Variants in RAD51B observed in about 807,000 individuals in gnomAD.
RAD51B encodes the protein RAD51 paralog B.
A neutral mutation model predicts 42.2 loss-of-function variants in RAD51B; 38 were observed. The observed-to-expected ratio is 0.90, with a 90% confidence interval of 0.70 to 1.18. The LOEUF is 1.18. Among genes scored for constraint, RAD51B ranks in the 50% most tolerant of loss-of-function variants. The pLI, the probability that RAD51B is intolerant of heterozygous loss-of-function variation, is 0.00. For synonymous variants in RAD51B, 154 were observed against 145.2 expected, an observed-to-expected ratio of 1.06 and a Z score of -0.43; for missense variants, 373 against 400.7, an observed-to-expected ratio of 0.93 and a Z score of 0.59.
rs533646357 is a variant in RAD51B at position 68,642,887 on chromosome 14, AAT to A, written c.1037-7893_1037-7892del. 2.0e-5 allele frequency among the ~76,000 whole-genome samples: 3 copies of A among 152,338 alleles called. No homozygotes were observed. In the East Asian group the frequency reaches 5.8e-4, roughly 29 times the overall value. On this transcript the variant is annotated intron_variant, in intron 10 of 11. Coordinates refer to the RAD51B transcript ENST00000488612. Reference sequence around the variant, plus strand: ...TATGTTATTTATAAGTGTGTGGCTTAATCTCCAAGTATTTGGGGATTTTCCAG... The same window carrying A: ...TATGTTATTTATAAGTGTGTGGCTTACTCCAAGTATTTGGGGATTTTCCAG...
intron 5 of RAD51B, among the ~76,000 whole-genome samples, chr14:67,875,018 G>A (rs188497330): frequency 6.6e-6 from 1 of 152,220 alleles, no homozygotes; most frequent in East Asian, 1.9e-4. Flanking sequence ...GCAAATTGAA[G>A]GGGATCAATA....
At chr14:68,681,989 G>A (rs562535771) in intron 11 of RAD51B, among the ~76,000 whole-genome samples, 7 of 152,170 alleles carry the variant, frequency 4.6e-5, no homozygotes, top group East Asian at 1.9e-4. Flanking sequence ...CATCAAAATC[G>A]CAGAAATCAC....
intron 7 of RAD51B, among the ~76,000 whole-genome samples, chr14:68,114,909 G>A (rs1268219307): frequency 6.6e-6 from 1 of 151,860 alleles, no homozygotes; most frequent in Non-Finnish European, 1.5e-5. Flanking sequence ...GTGCTGGAGA[G>A]GATGTGGAGA....
intron 7 of RAD51B, among the ~76,000 whole-genome samples, chr14:67,936,070 A>C (rs1204056374): frequency 6.6e-6 from 1 of 152,228 alleles, no homozygotes; most frequent in Non-Finnish European, 1.5e-5. Flanking sequence ...AAAAACAAAA[A>C]TTTTAACAGC....
intron 9 of RAD51B, among the ~76,000 whole-genome samples, chr14:68,425,014 A>T (rs1287165562): frequency 1.3e-5 from 2 of 152,090 alleles, no homozygotes; most frequent in African/African-American, 4.8e-5. Context: ...GTTTCATGTA[A>T]TCCTCCTGCC....
chr14:68,570,459 G>A (rs1394788445), intron 10 of RAD51B, among the ~76,000 whole-genome samples: 3 of 152,206 alleles, frequency 2.0e-5, no homozygotes, highest in Non-Finnish European at 4.4e-5. Flanking sequence ...GGTCACTGTA[G>A]GACCTTAAAA....
At chr14:68,509,196 T>C (rs1490226219) in intron 10 of RAD51B, among the ~76,000 whole-genome samples, 1 of 152,248 alleles carries the variant, frequency 6.6e-6, no homozygotes, top group African/African-American at 2.4e-5. Flanking sequence ...CACTCTCTGA[T>C]AGTGCTATGT....
At chr14:67,963,421 A>G (rs528146185) in intron 7 of RAD51B, among the ~76,000 whole-genome samples, 1 of 152,234 alleles carries the variant, frequency 6.6e-6, no homozygotes, top group East Asian at 1.9e-4. Flanking sequence ...TATTTTTTGT[A>G]GTATTTGAAT....
chr14:68,123,702 G>A (rs542685599), intron 7 of RAD51B, among the ~76,000 whole-genome samples: 1 of 152,178 alleles, frequency 6.6e-6, no homozygotes, highest in African/African-American at 2.4e-5. Context: ...CAGCTACTCG[G>A]GAGGCTGAGG....
intron 8 of RAD51B, among the ~76,000 whole-genome samples, chr14:68,383,531 A>C (rs1381973482): frequency 6.6e-6 from 1 of 152,010 alleles, no homozygotes; most frequent in Admixed American, 6.6e-5. Flanking sequence ...TACCAGTTTC[A>C]CTCCTTCAGG....
At chr14:67,889,661 G>A (rs1223303312) in intron 7 of RAD51B, among the ~76,000 whole-genome samples, 1 of 151,500 alleles carries the variant, frequency 6.6e-6, no homozygotes, top group Non-Finnish European at 1.5e-5. Context: ...CCTTATGTGC[G>A]CATGAATGCA....
chr14:68,373,350 G>A (rs61986910), intron 8 of RAD51B, among the ~76,000 whole-genome samples: 67,508 of 152,048 alleles, frequency 0.44, 16,779 homozygotes, highest in South Asian at 0.59. Context: ...TCTAGGAAGT[G>A]GGAGAGTCAA....
intron 9 of RAD51B, among the ~76,000 whole-genome samples, chr14:68,457,773 A>ATT (rs771439291): frequency 6.2e-4 from 66 of 106,736 alleles, no homozygotes; most frequent in East Asian, 2.1e-3. Flanking sequence ...TAATTTTTGT[A>ATT]TTTTTTTTTT....
At chr14:68,351,437 G>A (rs1054138663) in intron 8 of RAD51B, among the ~76,000 whole-genome samples, 42 of 151,938 alleles carry the variant, frequency 2.8e-4, no homozygotes, top group South Asian at 4.2e-4. Context: ...ATGGTAAACC[G>A]AACAGACACA....
intron 10 of RAD51B, among the ~76,000 whole-genome samples, chr14:68,484,539 A>T (rs780644023): frequency 2.0e-5 from 3 of 151,770 alleles, no homozygotes; most frequent in Admixed American, 6.6e-5. Context: ...TTGTATTTTT[A>T]GTAGAGACGG....
intron 7 of RAD51B, among the ~76,000 whole-genome samples, chr14:68,039,754 AAT>A (rs1187835765): frequency 6.6e-6 from 1 of 152,204 alleles, no homozygotes; most frequent in Admixed American, 6.5e-5. Flanking sequence ...TACTACTCAT[AAT>A]ATGCTGTTTC....
chr14:68,162,184 A>G (rs941537777), intron 7 of RAD51B, among the ~76,000 whole-genome samples: 3 of 152,214 alleles, frequency 2.0e-5, no homozygotes, highest in African/African-American at 7.2e-5. Flanking sequence ...TTGTCTCTTA[A>G]TTCAGGGAAA....
intron 7 of RAD51B, among the ~76,000 whole-genome samples, chr14:68,240,761 T>A (rs1467223722): frequency 6.6e-6 from 1 of 152,248 alleles, no homozygotes; most frequent in African/African-American, 2.4e-5. Flanking sequence ...AATATTGGAC[T>A]GTTTTCTATT....
intron 10 of RAD51B, among the ~76,000 whole-genome samples, chr14:68,476,372 G>A (rs1882610236): frequency 6.6e-6 from 1 of 152,194 alleles, no homozygotes; most frequent in African/African-American, 2.4e-5. Flanking sequence ...CATCACTAAT[G>A]CTGATTAGTA....
Sources: allele counts gnomAD v4.1 joint callset (sites outside exome capture counted in the v4.1 genomes callset), GRCh38; gene constraint gnomAD v4.1.1; transcripts MANE v1.5; gene names NCBI Gene and HGNC (gene_info 2026-07-23, HGNC 2026-07-21).